The following SGCZ variants were observed in gnomAD, a reference collection of about 807,000 sequenced individuals.
The protein encoded by SGCZ is sarcoglycan zeta.
SGCZ carries 40 observed loss-of-function variants against 41.3 expected under a neutral mutation model. The observed-to-expected ratio is 0.97, with a 90% CI of 0.75 to 1.26. The LOEUF is 1.26. Among genes scored for constraint, SGCZ ranks in the 50% most tolerant of loss-of-function variants. The probability of loss-of-function intolerance (pLI) is 0.00; values close to 1 mark genes in which losing one functional copy is unlikely to be tolerated. For synonymous variants in SGCZ, 206 were observed against 137.5 expected, an observed-to-expected ratio of 1.50 and a Z score of -3.49; for missense variants, 552 against 369.8, an observed-to-expected ratio of 1.49 and a Z score of -4.04.
At chr8:14,966,929 G>A (rs1052906794) in intron 1 of SGCZ, among the ~76,000 whole-genome samples, 1 of 151,848 alleles carries the variant, frequency 6.6e-6, no homozygotes, top group African/African-American at 2.4e-5. Context: ...GGGAGGGGAG[G>A]TACAGAAAAA....
At chr8:14,376,719 C>T (rs569374045) in intron 2 of SGCZ, among the ~76,000 whole-genome samples, 1 of 152,092 alleles carries the variant, frequency 6.6e-6, no homozygotes, top group Non-Finnish European at 1.5e-5. Flanking sequence ...GATAAAGGTG[C>T]CATAAAAGAA....
intron 3 of SGCZ, among the ~76,000 whole-genome samples, chr8:14,268,564 A>G (rs1799954030): frequency 6.6e-6 from 1 of 151,970 alleles, no homozygotes; most frequent in Non-Finnish European, 1.5e-5. Context: ...TATCGAAATT[A>G]GGGGATAGTA....
chr8:14,146,890 A>AAAAAAAAAAAATAAT (rs1182329393), intron 5 of SGCZ, among the ~76,000 whole-genome samples: 3 of 116,176 alleles, frequency 2.6e-5, no homozygotes, highest in Non-Finnish European at 3.6e-5. Flanking sequence ...AAAATAAAAA[A>AAAAAAAAAAAATAAT]AATAATAATA....
intron 2 of SGCZ, among the ~76,000 whole-genome samples, chr8:14,400,896 G>A (rs936060616): frequency 7.9e-5 from 12 of 152,076 alleles, no homozygotes; most frequent in African/African-American, 2.9e-4. Context: ...ATTAATTTAT[G>A]TAACTGAATA....
chr8:14,509,088 T>C (rs1802391913), intron 2 of SGCZ, among the ~76,000 whole-genome samples: 1 of 152,142 alleles, frequency 6.6e-6, no homozygotes, highest in Non-Finnish European at 1.5e-5. Flanking sequence ...TAGAGAAAGA[T>C]ATAAGGCTCT....
intron 1 of SGCZ, among the ~76,000 whole-genome samples, chr8:14,564,534 TGG>T (rs1804300885): frequency 4.6e-5 from 7 of 152,182 alleles, no homozygotes; most frequent in Non-Finnish European, 1.0e-4. Context: ...AAAGGCAATC[TGG>T]GAGTAGAAAA....
At chr8:15,076,794 C>A (rs1280480957) in intron 1 of SGCZ, among the ~76,000 whole-genome samples, 1 of 150,166 alleles carries the variant, frequency 6.7e-6, no homozygotes, top group East Asian at 1.9e-4. Flanking sequence ...CTCTGCACAC[C>A]GCCTCCCTCC....
At chr8:15,223,662 G>T (rs1801675793) in intron 1 of SGCZ, among the ~76,000 whole-genome samples, 1 of 152,114 alleles carries the variant, frequency 6.6e-6, no homozygotes, top group Non-Finnish European at 1.5e-5. Flanking sequence ...CTGGATCCAT[G>T]ATTTGGTAGA....
At chr8:14,700,908 C>T (rs1809114963) in intron 1 of SGCZ, among the ~76,000 whole-genome samples, 1 of 151,252 alleles carries the variant, frequency 6.6e-6, no homozygotes, top group Non-Finnish European at 1.5e-5. Context: ...TAGCAAGAAG[C>T]AGGAAAGGGG....
At chr8:14,544,133 G>A (rs10088562) in intron 2 of SGCZ, among the ~76,000 whole-genome samples, 41,452 of 151,978 alleles carry the variant, frequency 0.27, 7,122 homozygotes, top group Non-Finnish European at 0.39. Context: ...CTAGAGCTGT[G>A]GCAGCGGAAC....
intron 4 of SGCZ, among the ~76,000 whole-genome samples, chr8:14,180,347 G>T (rs911035507): frequency 6.6e-6 from 1 of 152,076 alleles, no homozygotes; most frequent in Non-Finnish European, 1.5e-5. Flanking sequence ...GAAGTGCTTG[G>T]ACCTATCCAC....
intron 2 of SGCZ, among the ~76,000 whole-genome samples, chr8:14,327,584 C>T (rs974579841): frequency 6.6e-6 from 1 of 152,112 alleles, no homozygotes; most frequent in Non-Finnish European, 1.5e-5. Flanking sequence ...GATGAGATGG[C>T]TGGAAATAAG....
intron 1 of SGCZ, among the ~76,000 whole-genome samples, chr8:15,023,981 G>A (rs960004881): frequency 1.3e-5 from 2 of 152,106 alleles, no homozygotes; most frequent in African/African-American, 2.4e-5. Flanking sequence ...ACAGGGACCA[G>A]GATAAGTGAT....
intron 4 of SGCZ, among the ~76,000 whole-genome samples, chr8:14,191,707 C>A (rs1045273400): frequency 6.6e-6 from 1 of 151,966 alleles, no homozygotes; most frequent in Admixed American, 6.6e-5. Context: ...TGGTAAAAAT[C>A]GTAAAGAGAA....
At chr8:14,963,122 G>A (rs780096306) in intron 1 of SGCZ, among the ~76,000 whole-genome samples, 1 of 152,094 alleles carries the variant, frequency 6.6e-6, no homozygotes, top group Non-Finnish European at 1.5e-5. Context: ...AGAAACTTGG[G>A]TCACAAATGA....
chr8:14,147,481 T>TAATG (rs1803562112), intron 5 of SGCZ, among the ~76,000 whole-genome samples: 2 of 152,192 alleles, frequency 1.3e-5, no homozygotes, highest in South Asian at 4.1e-4. Context: ...AGGTCATATA[T>TAATG]AATGACAAAG....
At chr8:14,551,969 GT>G (rs1372455112) in intron 2 of SGCZ, among the ~76,000 whole-genome samples, 1 of 151,644 alleles carries the variant, frequency 6.6e-6, no homozygotes, top group Non-Finnish European at 1.5e-5. Flanking sequence ...AACATGCCCA[GT>G]TTGCTCAAAT....
chr8:15,086,308 G>T (rs748183521), intron 1 of SGCZ, among the ~76,000 whole-genome samples: 2 of 152,180 alleles, frequency 1.3e-5, no homozygotes, highest in Admixed American at 6.5e-5. Flanking sequence ...CAACGTGGTT[G>T]CTAAAGACAC....
intron 1 of SGCZ, among the ~76,000 whole-genome samples, chr8:15,028,074 C>T (rs997571495): frequency 2.0e-5 from 3 of 152,110 alleles, no homozygotes; most frequent in African/African-American, 2.4e-5. Context: ...CATTCACACA[C>T]TCCTCAATGC....
Sources: gnomAD v4.1 joint callset for allele counts (sites outside exome capture counted in the v4.1 genomes callset) on GRCh38, gnomAD v4.1.1 for gene constraint, MANE v1.5 for transcripts, NCBI Gene and HGNC (gene_info 2026-07-23, HGNC 2026-07-21) for gene names.